GALNT10: variants seen among roughly 807,000 people sequenced by gnomAD.
The protein encoded by GALNT10 is polypeptide N-acetylgalactosaminyltransferase 10.
In GALNT10, 41 loss-of-function variants were observed where a neutral mutation model predicts 75.0. That is an observed-to-expected ratio of 0.55 (90% CI 0.43 to 0.71). The LOEUF (loss-of-function observed/expected upper bound fraction) is 0.71, where lower values mean the gene tolerates loss of function less well. GALNT10 is among the 30% of genes least tolerant of loss of function. The pLI, the probability that GALNT10 is intolerant of heterozygous loss-of-function variation, is 0.00. For synonymous variants in GALNT10, 302 were observed against 313.0 expected (o/e 0.96, Z 0.37); for missense variants, 727 against 818.5 (o/e 0.89, Z 1.36).
At chr5:154,411,678 A>G (rs1756401038) in intron 9 of GALNT10, among the ~76,000 whole-genome samples, 1 of 152,226 alleles carries the variant, frequency 6.6e-6, no homozygotes, top group African/African-American at 2.4e-5. Flanking sequence ...TCCAGTTTGC[A>G]GGAGCACTGC....
At chr5:154,206,021 T>G (rs1338786482) in intron 1 of GALNT10, among the ~76,000 whole-genome samples, 1 of 152,190 alleles carries the variant, frequency 6.6e-6, no homozygotes, top group African/African-American at 2.4e-5. Context: ...CTCATCAGAT[T>G]GTGTTGTGTG....
At chr5:154,364,138 G>T (rs578219307) in intron 4 of GALNT10, among the ~76,000 whole-genome samples, 2 of 152,322 alleles carry the variant, frequency 1.3e-5, no homozygotes, top group East Asian at 3.9e-4. Context: ...CAGAGAAGCA[G>T]ACAAGGATGC....
intron 1 of GALNT10, among the ~76,000 whole-genome samples, chr5:154,195,148 A>G (rs1488908109): frequency 6.6e-6 from 1 of 152,208 alleles, no homozygotes; most frequent in East Asian, 1.9e-4. Context: ...TGCTAATTGT[A>G]CCTTGTCCAC....
Position 154,413,004 on chromosome 5 carries a change from A to G in GALNT10, c.1502A>G (p.Gln501Arg). 6.3e-7 allele frequency: 1 copy of G among 1,590,576 alleles called. No individual in the cohort carries two copies. Among genetic ancestry groups the G allele is most frequent in the Non-Finnish European group, 8.6e-7 (1 of 1,159,866 alleles). ...GRGEAAWNNM[Q>R]VFTFTWREDI... ...GGGGAGGCTGCCTGGAACAACATGCAGGTAAGGGCCGCCCCTCAGGGACTG... is the reference window on the plus strand; with the variant it reads ...GGGGAGGCTGCCTGGAACAACATGCGGGTAAGGGCCGCCCCTCAGGGACTG... Residue 501 changes from glutamine (Q) to arginine (R), a missense_variant and splice_region_variant, in exon 10 of 12, where the codon CAG becomes CGG. By Grantham distance (43) the Gln-to-Arg change is conservative (BLOSUM62 1). Coordinates refer to ENST00000297107, the MANE Select transcript of GALNT10 (RefSeq NM_198321.4).
chr5:154,294,408 GGTAATAGTTTAGGTAGA>G (rs1754244084), intron 1 of GALNT10, among the ~76,000 whole-genome samples: 1 of 152,116 alleles, frequency 6.6e-6, no homozygotes, highest in South Asian at 2.1e-4. Flanking sequence ...ATGTTGAAGT[GGTAATAGTTTAGGTAGA>G]GTACATTATT....
At chr5:154,222,108 C>T (rs1294435676) in intron 1 of GALNT10, among the ~76,000 whole-genome samples, 3 of 152,034 alleles carry the variant, frequency 2.0e-5, no homozygotes, top group Non-Finnish European at 4.4e-5. Context: ...TCTTTGTGCC[C>T]CTTTGTTACC....
At chr5:154,218,195 C>A in intron 1 of GALNT10, 1 of 903,220 alleles carries the variant, frequency 1.1e-6, no homozygotes. Context: ...TCCTCCCTCC[C>A]CACCTCATGG....
In GALNT10 at chr5:154,416,738, T is replaced by G; in HGVS notation, c.1654-76T>G. ...GTCAGTCACTTCCTCACTTTCTCAT[T>G]GCTGGTATTGTTGCTGTGGTTTGAC... On this transcript the variant is annotated intron_variant, in intron 11 of 11. Coordinates refer to ENST00000297107, the MANE Select transcript of GALNT10 (RefSeq NM_198321.4). The surrounding 1 kb of genome is among the most constrained non-coding windows in gnomAD (Gnocchi z 4.5). The G allele has an allele frequency of 9.7e-7, 1 of 1,029,904 alleles. No homozygotes were observed. Among genetic ancestry groups the G allele is most frequent in the East Asian group, 2.4e-5 (1 of 41,910 alleles). The allele number at this position is 1,029,904 out of a possible 1,614,324, so 63.8% of individuals were successfully genotyped here.
chr5:154,360,159 T>C (rs938445264), intron 4 of GALNT10, among the ~76,000 whole-genome samples: 1 of 152,076 alleles, frequency 6.6e-6, no homozygotes, highest in African/African-American at 2.4e-5. Context: ...TATTAAAAAC[T>C]ATGCACTGGG....
intron 7 of GALNT10, among the ~76,000 whole-genome samples, chr5:154,396,681 T>C (rs1332020280): frequency 1.3e-5 from 2 of 152,226 alleles, no homozygotes; most frequent in Non-Finnish European, 2.9e-5. Context: ...GTGAGATTGC[T>C]GTATTTCCAA....
At chr5:154,290,258 ATTTTTTTTTT>A (rs71577131) in intron 1 of GALNT10, among the ~76,000 whole-genome samples, 13 of 98,918 alleles carry the variant, frequency 1.3e-4, no homozygotes, top group African/African-American at 3.6e-4. Flanking sequence ...CACTCAGCTA[ATTTTTTTTTT>A]TTTTTTTTTT....
At chr5:154,407,076 T>C (rs11952599) in intron 8 of GALNT10, among the ~76,000 whole-genome samples, 2,085 of 152,312 alleles carry the variant, frequency 0.014, 41 homozygotes, top group African/African-American at 0.048. Context: ...GAAATCTTTC[T>C]TATCTTTGCC....
chr5:154,315,914 C>T (rs1188000063), intron 3 of GALNT10, among the ~76,000 whole-genome samples: 1 of 152,228 alleles, frequency 6.6e-6, no homozygotes, highest in Non-Finnish European at 1.5e-5. Flanking sequence ...CTCAAACCTA[C>T]AAGTCCATTT....
At chr5:154,326,150 A>G (rs1344571540) in intron 3 of GALNT10, among the ~76,000 whole-genome samples, 1 of 152,176 alleles carries the variant, frequency 6.6e-6, no homozygotes, top group Non-Finnish European at 1.5e-5. Flanking sequence ...GCCAATAGGC[A>G]TATGGAAAGA....
chr5:154,278,792 A>G (rs1481616118), intron 1 of GALNT10, among the ~76,000 whole-genome samples: 3 of 152,204 alleles, frequency 2.0e-5, no homozygotes, highest in South Asian at 4.1e-4. Context: ...GTGGAATCAT[A>G]CAATGTATGA....
chr5:154,294,693 G>T, intron 1 of GALNT10, 123 bp from the exon 2 acceptor site: 2 of 572,860 alleles, frequency 3.5e-6, no homozygotes, highest in South Asian at 5.1e-5. Context: ...TGAGGGAGTG[G>T]ATAAAGGAAC....
chr5:154,193,097 A>G (rs988748441), intron 1 of GALNT10, among the ~76,000 whole-genome samples: 1 of 132,888 alleles, frequency 7.5e-6, no homozygotes, highest in African/African-American at 2.8e-5. Flanking sequence ...GTTTTTGTTC[A>G]TTTCTTTTTC....
intron 4 of GALNT10, among the ~76,000 whole-genome samples, chr5:154,345,797 G>A (rs1056347928): frequency 1.6e-4 from 19 of 118,718 alleles, no homozygotes; most frequent in African/African-American, 3.3e-4. Flanking sequence ...CACTACACCC[G>A]GCGAATTTTT....
At chr5:154,296,014 A>G (rs1454764468) in intron 2 of GALNT10, among the ~76,000 whole-genome samples, 1 of 152,202 alleles carries the variant, frequency 6.6e-6, no homozygotes, top group Non-Finnish European at 1.5e-5. Flanking sequence ...AACTTAACTG[A>G]TGATAAGAGA....
Sources: gnomAD v4.1 joint callset for allele counts (sites outside exome capture counted in the v4.1 genomes callset) on GRCh38, gnomAD v4.1.1 for gene constraint, Gnocchi (gnomAD v3.1) non-coding constraint, MANE v1.5 for transcripts, NCBI Gene and HGNC (gene_info 2026-07-23, HGNC 2026-07-21) for gene names.